GLI2: variants seen among roughly 807,000 people sequenced by gnomAD.
GLI2 encodes GLI family zinc finger 2.
A neutral mutation model predicts 78.9 loss-of-function variants in GLI2; 22 were observed. The observed-to-expected ratio is 0.28, with a 90% confidence interval of 0.20 to 0.40. The LOEUF is 0.40. Ranked by LOEUF, GLI2 falls within the 10% of genes least tolerant of loss-of-function variation. GLI2 has a pLI of 1.00. For missense variants in GLI2, 2,097 were observed against 2,213.2 expected (o/e 0.95, Z 1.05); for synonymous variants, 974 against 963.7 (o/e 1.01, Z -0.20).
At chr2:120,886,129 G>T (rs534590607) in intron 2 of GLI2, among the ~76,000 whole-genome samples, 1 of 147,706 alleles carries the variant, frequency 6.8e-6, no homozygotes, top group African/African-American at 2.5e-5. Flanking sequence ...TTGAGACAGG[G>T]TCTTGGAACC....
At chr2:120,855,127 C>T (rs1346595141) in intron 2 of GLI2, among the ~76,000 whole-genome samples, 1 of 152,190 alleles carries the variant, frequency 6.6e-6, no homozygotes, top group Non-Finnish European at 1.5e-5. Flanking sequence ...AAAACAGAAC[C>T]CACCAGACAT....
At chr2:120,985,265 C>T (rs998509004) in intron 12 of GLI2, among the ~76,000 whole-genome samples, 16 of 152,162 alleles carry the variant, frequency 1.1e-4, no homozygotes, top group Non-Finnish European at 2.1e-4. Flanking sequence ...GCTGGGGAGC[C>T]GGTCCATGCT....
intron 2 of GLI2, among the ~76,000 whole-genome samples, chr2:120,889,518 C>T (rs974715046): frequency 3.3e-5 from 5 of 152,088 alleles, no homozygotes; most frequent in African/African-American, 4.8e-5. Flanking sequence ...TTTTGCTCTT[C>T]GAAAGACCCT....
At position 120,989,124 on chromosome 2, in the gene GLI2, C is replaced by T. The variant is rs1683146620; in HGVS notation, c.3159C>T (p.Ile1053=). 1.9e-6 allele frequency: 3 copies of T among 1,612,966 alleles called. No homozygotes were observed. The highest frequency in any genetic ancestry group is 2.5e-6 in the Non-Finnish European group (3 of 1,179,958). Residue 1053 remains isoleucine (I), a synonymous_variant, in exon 14 of 14, where the codon ATC becomes ATT. Transcript: ENST00000361492. The part of the protein sequence containing the change: ...LVLPDDVVQY[I]KAHASGALDE... ...TTCCAGACGACGTGGTGCAGTACAT[C>T]AAGGCGCACGCCAGTGGCGCTCTGG...
Position 120,963,809 on chromosome 2 carries a change from G to A in GLI2, c.644-4905G>A, listed in dbSNP as rs144635148. On this transcript the variant is annotated intron_variant, in intron 5 of 13. Transcript: ENST00000361492. ...TCCTGTTTTGTCTTCTGTAAAATGA[G>A]CATAACAGCCCCTTCTTTATGGGAC... Among the ~76,000 whole-genome samples the A allele has an allele frequency of 3.1e-3, 469 of 152,360 alleles. 4 individuals carry two copies. Among genetic ancestry groups the A allele is most frequent in the African/African-American group, 0.011 (441 of 41,584 alleles).
At position 120,817,294 on chromosome 2, in the gene GLI2, C is replaced by G. The variant is rs139555674; in HGVS notation, c.148+19826C>G. On this transcript the variant is annotated intron_variant, in intron 2 of 13. Coordinates refer to ENST00000361492, the MANE Select transcript of GLI2 (RefSeq NM_001374353.1). ...CCTCGGTATGAAGCCACCCCCACTG[C>G]CTCCGTGGGGTCTCTCCCCCAGCTC... Among the ~76,000 whole-genome samples, 683 of 152,320 alleles carry G rather than the reference C, an allele frequency of 4.5e-3. 2 individuals are homozygous for G. The highest frequency in any genetic ancestry group is 0.015 in the African/African-American group (634 of 41,562).
chr2:120,936,869 G>T (rs552856490), intron 3 of GLI2, among the ~76,000 whole-genome samples: 1 of 152,296 alleles, frequency 6.6e-6, no homozygotes, highest in East Asian at 1.9e-4. Context: ...CTGCCAGCCC[G>T]AGTCAAGGTG....
Position 120,985,019 on chromosome 2 carries a change from G to A in GLI2, c.1905+276G>A, listed in dbSNP as rs180771457. Among the ~76,000 whole-genome samples the A allele has an allele frequency of 1.0e-3, 154 of 152,294 alleles. 1 individual carries two copies. The highest frequency in any genetic ancestry group is 2.9e-3 in the Admixed American group (44 of 15,308). ...CGCCCTGTACGGTGGGCCTGCACAG[G>A]GCGGGGGTGGCCCCTGCAAGTCTGC... On this transcript the variant is annotated intron_variant, in intron 12 of 13. Coordinates refer to ENST00000361492, the MANE Select transcript of GLI2 (RefSeq NM_001374353.1).
intron 2 of GLI2, among the ~76,000 whole-genome samples, chr2:120,885,487 G>A (rs769582726): frequency 6.6e-5 from 10 of 152,306 alleles, no homozygotes; most frequent in Admixed American, 3.9e-4. Flanking sequence ...CTTTCCACCC[G>A]TCCCTTCTGG....
chr2:120,941,216 C>T (rs571418637), intron 3 of GLI2, among the ~76,000 whole-genome samples: 23 of 152,324 alleles, frequency 1.5e-4, no homozygotes, highest in African/African-American at 5.5e-4. Flanking sequence ...GAGGAAGGGA[C>T]AGTTCTCCAT....
In GLI2 at chr2:120,984,454, C is replaced by T. The variant is rs78949549; in HGVS notation, c.1633-17C>T. 3.3e-3 allele frequency: 5,250 copies of T among 1,613,898 alleles called. 143 individuals carry two copies. In the African/African-American group the frequency reaches 0.056, roughly 17 times the overall value. On this transcript the variant is annotated splice_polypyrimidine_tract_variant and intron_variant, in intron 11 of 13. Coordinates refer to ENST00000361492, the MANE Select transcript of GLI2 (RefSeq NM_001374353.1). ...CTCGTACCCCTATCCATGACACAGG[C>T]CTGCTTCTCTCCCCAGAAACCCTAC...
At chr2:120,742,025 G>A (rs1573545547) in intron 1 of GLI2, among the ~76,000 whole-genome samples, 1 of 152,248 alleles carries the variant, frequency 6.6e-6, no homozygotes, top group South Asian at 2.1e-4. Context: ...CTGCCCTCTT[G>A]CCCGCTTCCC....
Position 120,988,912 on chromosome 2 carries a change from C to T in GLI2, c.2947C>T (p.Pro983Ser), listed in dbSNP as rs1258599727. 2 of 1,517,100 alleles carry T rather than the reference C, an allele frequency of 1.3e-6. No homozygotes were observed. Among genetic ancestry groups the T allele is most frequent in the Admixed American group, 2.0e-5 (1 of 50,410 alleles). The allele number at this position is 1,517,100 out of a possible 1,614,324, so 94.0% of individuals were successfully genotyped here. The stretch of plus-strand genomic sequence containing the variant: ...CAACGTGAACCCCGGCCCGCTGCCG[C>T]CCTGTGCCGACAGGCGAGGCCTCCG... ...THNVNPGPLP[P>S]CADRRGLRLQ... Residue 983 changes from proline to serine, a missense_variant, in exon 14 of 14, where the codon CCC becomes TCC. Coordinates refer to ENST00000361492, the MANE Select transcript of GLI2 (RefSeq NM_001374353.1).
At chr2:120,954,293 T>C (rs751730315) in intron 4 of GLI2, among the ~76,000 whole-genome samples, 3 of 151,574 alleles carry the variant, frequency 2.0e-5, no homozygotes, top group African/African-American at 7.3e-5. Context: ...TGAGGGAAGG[T>C]GGGTAGGCAG....
chr2:120,745,494 A>G (rs980528360), intron 1 of GLI2, among the ~76,000 whole-genome samples: 5 of 152,176 alleles, frequency 3.3e-5, no homozygotes, highest in African/African-American at 1.2e-4. Context: ...TGGGAGCTGG[A>G]AGGAGCCTGC....
chr2:120,825,875 C>T (rs1242666199), intron 2 of GLI2, among the ~76,000 whole-genome samples: 2 of 152,238 alleles, frequency 1.3e-5, no homozygotes, highest in Admixed American at 6.5e-5. Flanking sequence ...ATCACAGGAG[C>T]GCTCCTTCCT....
chr2:120,901,532 G>T (rs1331815577), intron 2 of GLI2, among the ~76,000 whole-genome samples: 1 of 152,212 alleles, frequency 6.6e-6, no homozygotes, highest in East Asian at 1.9e-4. Flanking sequence ...CCCCCAGCCA[G>T]GCCACTGGGG....
At chr2:120,983,719 A>C (rs1682822396) in intron 11 of GLI2, among the ~76,000 whole-genome samples, 1 of 152,198 alleles carries the variant, frequency 6.6e-6, no homozygotes, top group Non-Finnish European at 1.5e-5. Flanking sequence ...CCACACAATT[A>C]CTGTCGCTCA....
At chr2:120,898,004 T>C (rs1678061643) in intron 2 of GLI2, among the ~76,000 whole-genome samples, 1 of 152,116 alleles carries the variant, frequency 6.6e-6, no homozygotes, top group Non-Finnish European at 1.5e-5. Flanking sequence ...ACCTTTCTGC[T>C]TTCCACCGTT....
Sources: allele counts gnomAD v4.1 joint callset (sites outside exome capture counted in the v4.1 genomes callset), GRCh38; gene constraint gnomAD v4.1.1; transcripts MANE v1.5; gene names NCBI Gene and HGNC (gene_info 2026-07-23, HGNC 2026-07-21).